TMPRSS3: variants seen among roughly 807,000 people sequenced by gnomAD.
TMPRSS3 encodes the protein transmembrane protease serine 3.
A neutral mutation model predicts 59.6 loss-of-function variants in TMPRSS3; 55 were observed. The observed-to-expected ratio is 0.92, with a 90% CI of 0.74 to 1.16. TMPRSS3 has a LOEUF of 1.16. TMPRSS3 is among the 50% of genes most tolerant of loss of function. The pLI, the probability that TMPRSS3 is intolerant of heterozygous loss-of-function variation, is 0.00. For missense variants in TMPRSS3, 596 were observed against 579.4 expected (o/e 1.03, Z -0.29); for synonymous variants, 257 against 237.7 (o/e 1.08, Z -0.75).
chr21:42,380,464 C>G (rs573177088), intron 9 of TMPRSS3, among the ~76,000 whole-genome samples: 1 of 152,284 alleles, frequency 6.6e-6, no homozygotes, highest in South Asian at 2.1e-4. Flanking sequence ...GGTCAGCACA[C>G]CTTTTGTGGA....
chr21:42,389,399 G>T (rs1398536109), intron 3 of TMPRSS3, among the ~76,000 whole-genome samples: 2 of 152,216 alleles, frequency 1.3e-5, no homozygotes, highest in African/African-American at 2.4e-5. Context: ...GGCCTTCCTG[G>T]TTTCTCTTAC....
chr21:42,379,966 T>A, intron 10 of TMPRSS3, 151 bp downstream of exon 10: 1 of 697,312 alleles, frequency 1.4e-6, no homozygotes, highest in Non-Finnish European at 2.6e-6. Context: ...GTTCCTTGGC[T>A]GACTGTGTCC....
At chr21:42,391,888 G>T (rs970118294) in intron 2 of TMPRSS3, among the ~76,000 whole-genome samples, 6 of 152,232 alleles carry the variant, frequency 3.9e-5, no homozygotes, top group Admixed American at 1.3e-4. Context: ...AATATGTAAG[G>T]AGTGTCCAGA....
Position 42,372,434 on chromosome 21 carries a change from C to A in TMPRSS3, c.*328G>T. ...AATTAGTTGGGTGTGGTGGCGGGCA[C>A]CTGTGGTCCCAGCTACTGGGGAAGC... On this transcript the variant is annotated 3_prime_UTR_variant, in exon 13 of 13. Coordinates refer to ENST00000644384, the MANE Select transcript of TMPRSS3 (RefSeq NM_001256317.3). 1.9e-6 allele frequency: 1 copy of A among 526,868 alleles called. No individual in the cohort carries two copies. Among genetic ancestry groups the A allele is most frequent in the Non-Finnish European group, 3.6e-6 (1 of 275,158 alleles). The allele number at this position is 526,868 out of a possible 1,614,324, so 32.6% of individuals were successfully genotyped here.
chr21:42,385,677 C>T, intron 5 of TMPRSS3, 143 bp from the exon 6 acceptor site: 1 of 1,108,472 alleles, frequency 9.0e-7, no homozygotes, highest in Middle Eastern at 2.0e-4. Flanking sequence ...GCTTCCTTTG[C>T]CAAGAGAATG....
At chr21:42,385,035 TCCTCCCTCCCTC>T (rs796597233) in intron 6 of TMPRSS3, among the ~76,000 whole-genome samples, 1 of 131,846 alleles carries the variant, frequency 7.6e-6, no homozygotes, top group African/African-American at 3.4e-5. Context: ...CTCCCTCTCT[TCCTCCCTCCCTC>T]CCTTCCTTCC....
intron 12 of TMPRSS3, 73 bp downstream of exon 12, chr21:42,375,643 C>T: frequency 6.3e-7 from 1 of 1,597,844 alleles, no homozygotes; most frequent in East Asian, 2.2e-5. Flanking sequence ...TATAGCAAGA[C>T]CAGGGTTGCA....
In TMPRSS3 at chr21:42,388,255, G is replaced by A; in HGVS notation, c.446+148C>T. 2 of 1,093,996 alleles carry A rather than the reference G, an allele frequency of 1.8e-6. No individual in the cohort carries two copies. Among genetic ancestry groups the A allele is most frequent in the Non-Finnish European group, 2.7e-6 (2 of 736,132 alleles). 67.8% of individuals were successfully genotyped at this position (1,093,996 alleles called of 1,614,324 possible). A position where few individuals can be genotyped will look rare whatever the true frequency, so the allele number is the denominator to read the frequency against. On this transcript the variant is annotated intron_variant, in intron 5 of 12. Transcript: ENST00000644384. The surrounding 1 kb of genome is among the most constrained non-coding windows in gnomAD (Gnocchi z 5.1). ...TTGGTTTGCTTGCCTGTGAAGTGAG[G>A]ATGATATCGGGCATCCTAAGGTGGA...
Position 42,382,085 on chromosome 21 carries a change from G to A in TMPRSS3, c.932C>T (p.Ala311Val). Reference protein sequence around the residue: ...LGNDIALMKLAGPLTFNEMIQ... With the variant: ...LGNDIALMKLVGPLTFNEMIQ... ...TGTACCATTGAACGTGAGTGGCCCG[G>A]CCAGCTTCATAAGGGCGATGTCATT... Residue 311 changes from alanine to valine, a missense_variant, in exon 9 of 13, where the codon GCC becomes GTC. Coordinates refer to ENST00000644384, the MANE Select transcript of TMPRSS3 (RefSeq NM_001256317.3). 1 of 1,614,232 alleles carries A rather than the reference G, an allele frequency of 6.2e-7. No individual in the cohort carries two copies. The highest frequency in any genetic ancestry group is 1.3e-5 in the African/African-American group (1 of 75,048).
At chr21:42,378,454 C>T (rs895990423) in intron 10 of TMPRSS3, among the ~76,000 whole-genome samples, 5 of 152,204 alleles carry the variant, frequency 3.3e-5, no homozygotes, top group South Asian at 2.1e-4. Flanking sequence ...CATAAGATCT[C>T]CCAGCGTTTA....
chr21:42,380,245 A>G (rs775754764), intron 9 of TMPRSS3, 33 bp from the exon 10 acceptor site: 11 of 1,559,236 alleles, frequency 7.1e-6, no homozygotes, highest in Admixed American at 1.7e-5. Flanking sequence ...TCACAACTCA[A>G]TTGAAGCAGG....
chr21:42,388,731 C>T lies in TMPRSS3; in HGVS notation c.322+198G>A, dbSNP rs1048681235. 4.6e-5 allele frequency among the ~76,000 whole-genome samples: 7 copies of T among 152,126 alleles called. No individual in the cohort carries two copies. The highest frequency in any genetic ancestry group is 1.9e-4 in the East Asian group (1 of 5,184). ...TCATCTTATTGCTTATGTGGTCTCCCCAAGAGAGCCAGAGCTCCATGGAAG... is the reference window on the plus strand; with the variant it reads ...TCATCTTATTGCTTATGTGGTCTCCTCAAGAGAGCCAGAGCTCCATGGAAG... On this transcript the variant is annotated intron_variant, in intron 4 of 12. Coordinates refer to ENST00000644384, the MANE Select transcript of TMPRSS3 (RefSeq NM_001256317.3). This position sits in a 1 kb window ranked among gnomAD's most constrained non-coding sequence, Gnocchi z 5.1.
intron 12 of TMPRSS3, among the ~76,000 whole-genome samples, chr21:42,375,073 G>A (rs1420662994): frequency 6.6e-6 from 1 of 152,054 alleles, no homozygotes; most frequent in Non-Finnish European, 1.5e-5. Flanking sequence ...CTGCCAGCAC[G>A]CAGCTGCCAG....
At chr21:42,394,335 C>T (rs2052772445) in intron 2 of TMPRSS3, among the ~76,000 whole-genome samples, 1 of 152,036 alleles carries the variant, frequency 6.6e-6, no homozygotes, top group Non-Finnish European at 1.5e-5. Flanking sequence ...TACTGTGATT[C>T]CATAAGAAAA....
chr21:42,381,914 T>C, intron 9 of TMPRSS3, 151 bp downstream of exon 9: 1 of 995,788 alleles, frequency 1.0e-6, no homozygotes, highest in East Asian at 2.5e-5. Flanking sequence ...GATAATCAAC[T>C]GATGCCAACA....
chr21:42,395,137 C>T (rs191615636), intron 2 of TMPRSS3, among the ~76,000 whole-genome samples, 187 bp downstream of exon 2: 3 of 152,270 alleles, frequency 2.0e-5, no homozygotes, highest in East Asian at 1.9e-4. Context: ...AAGGGCTTAA[C>T]GAAACGATCC....
intron 6 of TMPRSS3, among the ~76,000 whole-genome samples, chr21:42,385,089 C>CTCCCTTCCTTCCTTCCTCCCT (rs1355708077): frequency 6.8e-6 from 1 of 146,372 alleles, no homozygotes; most frequent in African/African-American, 2.5e-5. Flanking sequence ...CTTTTCCTCC[C>CTCCCTTCCTTCCTTCCTCCCT]CACCCCCCTT....
At chr21:42,376,436 C>T in intron 11 of TMPRSS3, 105 bp downstream of exon 11, 2 of 1,509,654 alleles carry the variant, frequency 1.3e-6, no homozygotes, top group Non-Finnish European at 1.8e-6. Context: ...TTCTCCACGC[C>T]CTGTAAATTT....
rs767291843 is a variant in TMPRSS3, at chr21:42,375,884, G to C, written c.1192-16C>G. On this transcript the variant is annotated splice_polypyrimidine_tract_variant and intron_variant, in intron 11 of 12. Coordinates refer to ENST00000644384, the MANE Select transcript of TMPRSS3 (RefSeq NM_001256317.3). Reference sequence around the variant, plus strand: ...CGCTGTCCCCCTGGGTGACAGGAAAGAAGCAAAGATTGGGGGACAGTCACC... The same window carrying C: ...CGCTGTCCCCCTGGGTGACAGGAAACAAGCAAAGATTGGGGGACAGTCACC... 2 of 1,613,238 alleles carry C rather than the reference G, an allele frequency of 1.2e-6. No homozygotes were observed. The highest frequency in any genetic ancestry group is 1.7e-6 in the Non-Finnish European group (2 of 1,179,970).
Sources: gnomAD v4.1 joint callset for allele counts (sites outside exome capture counted in the v4.1 genomes callset) on GRCh38, gnomAD v4.1.1 for gene constraint, Gnocchi (gnomAD v3.1) non-coding constraint, MANE v1.5 for transcripts, NCBI Gene and HGNC (gene_info 2026-07-23, HGNC 2026-07-21) for gene names.